Variants in TBC1D4 observed in about 807,000 individuals in gnomAD.
The protein encoded by TBC1D4 is TBC (Tre-2, BUB2, CDC16) domain-containing protein.
Under a neutral mutation model 142.5 loss-of-function variants are expected in TBC1D4, and 121 were observed. That is an observed-to-expected ratio of 0.85 (90% CI 0.73 to 0.99). TBC1D4 has a LOEUF of 0.99. TBC1D4 is among the 50% of genes least tolerant of loss of function. TBC1D4 has a pLI of 0.00. For missense variants in TBC1D4, 1,475 were observed against 1,606.6 expected (o/e 0.92, Z 1.40); for synonymous variants, 630 against 628.2 (o/e 1.00, Z -0.04).
intron 1 of TBC1D4, among the ~76,000 whole-genome samples, chr13:75,457,199 G>A (rs1017110473): frequency 2.0e-5 from 3 of 152,174 alleles, no homozygotes; most frequent in Admixed American, 6.5e-5. Context: ...TATGGATGTC[G>A]GTGACATGGG....
chr13:75,390,544 A>C (rs1194257742), intron 1 of TBC1D4, among the ~76,000 whole-genome samples: 1 of 152,114 alleles, frequency 6.6e-6, no homozygotes, highest in Non-Finnish European at 1.5e-5. Context: ...ACAGATTCCC[A>C]TTCTCATTTA....
At chr13:75,425,119 C>G (rs1197756959) in intron 1 of TBC1D4, among the ~76,000 whole-genome samples, 1 of 122,612 alleles carries the variant, frequency 8.2e-6, no homozygotes, top group Non-Finnish European at 1.7e-5. Context: ...GGTTAATATC[C>G]CAAATATATA....
At chr13:75,345,276 C>T (rs1389621641) in intron 5 of TBC1D4, among the ~76,000 whole-genome samples, 5 of 152,198 alleles carry the variant, frequency 3.3e-5, no homozygotes, top group South Asian at 2.1e-4. Flanking sequence ...AATAGTGCCT[C>T]GCACATGGAG....
chr13:75,379,061 A>T (rs1180486355), intron 1 of TBC1D4, among the ~76,000 whole-genome samples: 1 of 152,132 alleles, frequency 6.6e-6, no homozygotes, highest in Admixed American at 6.5e-5. Flanking sequence ...GAGCAACATT[A>T]AAAAAACAGT....
chr13:75,289,258 T>C, intron 19 of TBC1D4, 148 bp from the exon 20 acceptor site: 4 of 817,992 alleles, frequency 4.9e-6, no homozygotes, highest in Non-Finnish European at 7.9e-6. Flanking sequence ...AGTGTAACTG[T>C]CAATACAAGA....
At position 75,349,301 on chromosome 13, in the gene TBC1D4, A is replaced by G; in HGVS notation, c.1277T>C (p.Val426Ala). 6.2e-7 allele frequency: 1 copy of G among 1,613,780 alleles called. No homozygotes were observed. Among genetic ancestry groups the G allele is most frequent in the Non-Finnish European group, 8.5e-7 (1 of 1,179,870 alleles). Residue 426 changes from valine to alanine, a missense_variant and splice_region_variant, in exon 5 of 21, where the codon GTT becomes GCT. Physicochemically the swap from Val to Ala is moderately conservative, Grantham distance 64. Around this residue, in one of 2 missense-constraint regions of TBC1D4, gnomAD observed 1,227 missense variants for 1,267.7 expected, o/e 0.97. Coordinates refer to ENST00000377636, the MANE Select transcript of TBC1D4 (RefSeq NM_014832.5). ...YVFQCASESL[V>A]DEVMLTLKQA... ...TTTCAGAGTCAGCATTACCTCATCA[A>G]CCTACAGGAAGAAACAAAACTCAGG...
intron 1 of TBC1D4, among the ~76,000 whole-genome samples, chr13:75,462,426 G>A (rs1164768474): frequency 1.3e-5 from 2 of 152,022 alleles, no homozygotes; most frequent in Non-Finnish European, 2.9e-5. Context: ...TTCTGGGGAA[G>A]TCAAGTCAGA....
chr13:75,478,970 G>A (rs930382537), intron 1 of TBC1D4, among the ~76,000 whole-genome samples: 1 of 152,202 alleles, frequency 6.6e-6, no homozygotes, highest in Non-Finnish European at 1.5e-5. Flanking sequence ...TACAATATTT[G>A]CCAGTACTTT....
intron 1 of TBC1D4, among the ~76,000 whole-genome samples, chr13:75,406,917 C>G (rs945221085): frequency 1.2e-4 from 18 of 152,280 alleles, no homozygotes; most frequent in African/African-American, 4.3e-4. Context: ...CATTCAGATG[C>G]ATGTAGGATC....
chr13:75,351,556 C>T (rs1881597135), intron 4 of TBC1D4, among the ~76,000 whole-genome samples: 1 of 151,440 alleles, frequency 6.6e-6, no homozygotes, highest in Non-Finnish European at 1.5e-5. Flanking sequence ...TCTCCTAAGG[C>T]TATCCTTCCC....
Position 75,362,070 on chromosome 13 carries a change from C to T in TBC1D4, c.1036G>A (p.Val346Ile), listed in dbSNP as rs748007365. 4.3e-6 allele frequency: 7 copies of T among 1,614,014 alleles called. No homozygotes were observed. The highest frequency in any genetic ancestry group is 1.1e-5 in the South Asian group (1 of 91,084). The change falls in exon 2 of 21, where the codon GTC (valine) becomes ATC (isoleucine). Residue 346 changes from valine to isoleucine, a missense_variant. By Grantham distance (29) the Val-to-Ile change is conservative. Transcript: ENST00000377636. The surrounding 1 kb of genome is among the most constrained non-coding windows in gnomAD (Gnocchi z 4.2). ...RRRHASAPSHVQPSDSEKNRT... is the reference protein window; with the variant it reads ...RRRHASAPSHIQPSDSEKNRT... Reference sequence around the variant, plus strand: ...TTCTTCTCCGAGTCCGAGGGCTGGACGTGACTGGGTGCGCTCGCGTGTCTC... The same window carrying T: ...TTCTTCTCCGAGTCCGAGGGCTGGATGTGACTGGGTGCGCTCGCGTGTCTC...
chr13:75,360,724 C>A (rs2138165098), intron 2 of TBC1D4, among the ~76,000 whole-genome samples: 1 of 152,304 alleles, frequency 6.6e-6, no homozygotes, highest in East Asian at 1.9e-4. Flanking sequence ...GAGAACATCA[C>A]ATTTTCTCCT....
At chr13:75,330,332 T>C (rs1879643521) in intron 8 of TBC1D4, among the ~76,000 whole-genome samples, 1 of 152,216 alleles carries the variant, frequency 6.6e-6, no homozygotes, top group Admixed American at 6.5e-5. Context: ...CGTAAAGCAA[T>C]ATTTATTCTT....
At chr13:75,310,469 A>G (rs1310139630) in intron 13 of TBC1D4, among the ~76,000 whole-genome samples, 1 of 152,052 alleles carries the variant, frequency 6.6e-6, no homozygotes, top group African/African-American at 2.4e-5. Flanking sequence ...TTACTTACGT[A>G]TATTCTCTGG....
At chr13:75,408,621 A>G (rs1885451614) in intron 1 of TBC1D4, among the ~76,000 whole-genome samples, 1 of 152,152 alleles carries the variant, frequency 6.6e-6, no homozygotes, top group South Asian at 2.1e-4. Flanking sequence ...TGGTAACTCT[A>G]TGTTTAACCT....
chr13:75,362,290 G>A lies in TBC1D4; in HGVS notation c.816C>T (p.Asp272=). ...GTAAGCCAAGGTGGGTGTCGGTGCCGTCAGCCTCCTCCGGCAGGCAGTCTC... is the reference window on the plus strand; with the variant it reads ...GTAAGCCAAGGTGGGTGTCGGTGCCATCAGCCTCCTCCGGCAGGCAGTCTC... The part of the protein sequence containing the change: ...SPGDCLPEEA[D]GTDTHLGLPA... The change falls in exon 2 of 21, where the codon GAC becomes GAT. Residue 272 remains aspartate, a synonymous_variant. Coordinates refer to ENST00000377636, the MANE Select transcript of TBC1D4 (RefSeq NM_014832.5). This position sits in a 1 kb window ranked among gnomAD's most constrained non-coding sequence, Gnocchi z 4.2. 3 of 1,613,838 alleles carry A rather than the reference G, an allele frequency of 1.9e-6. No individual in the cohort carries two copies. Among genetic ancestry groups the A allele is most frequent in the South Asian group, 1.1e-5 (1 of 91,072 alleles).
intron 1 of TBC1D4, among the ~76,000 whole-genome samples, chr13:75,467,292 C>A (rs888025774): frequency 1.3e-5 from 2 of 152,188 alleles, no homozygotes; most frequent in African/African-American, 4.8e-5. Flanking sequence ...TAACAAGCAG[C>A]TGTGTTTGCT....
At chr13:75,463,621 A>G (rs1593914168) in intron 1 of TBC1D4, among the ~76,000 whole-genome samples, 1 of 152,222 alleles carries the variant, frequency 6.6e-6, no homozygotes, top group East Asian at 1.9e-4. Context: ...TTTTGATTTC[A>G]TCAACCTCAG....
intron 4 of TBC1D4, among the ~76,000 whole-genome samples, chr13:75,354,416 T>C (rs1179424490): frequency 6.6e-6 from 1 of 152,074 alleles, no homozygotes; most frequent in African/African-American, 2.4e-5. Flanking sequence ...TAGAATCGGG[T>C]AGCAAAGAGG....
Sources: allele counts gnomAD v4.1 joint callset (sites outside exome capture counted in the v4.1 genomes callset), GRCh38; gene constraint gnomAD v4.1.1; regional missense constraint gnomAD v4.1.1; non-coding constraint Gnocchi (gnomAD v3.1); transcripts MANE v1.5; gene names NCBI Gene and HGNC (gene_info 2026-07-23, HGNC 2026-07-21).